Variants in RAB3GAP1 observed in about 807,000 individuals in gnomAD.
RAB3GAP1 encodes rab3 GTPase-activating protein catalytic subunit.
In RAB3GAP1, 86 loss-of-function variants were observed where a neutral mutation model predicts 130.7. That is an observed-to-expected ratio of 0.66 (90% CI 0.55 to 0.79). RAB3GAP1 has a LOEUF of 0.79. Among genes scored for constraint, RAB3GAP1 ranks in the 30% least tolerant of loss-of-function variants. The pLI is 0.00. For synonymous variants in RAB3GAP1, 367 were observed against 401.7 expected, an observed-to-expected ratio of 0.91 and a Z score of 1.03; for missense variants, 1,029 against 1,169.4, an observed-to-expected ratio of 0.88 and a Z score of 1.75.
chr2:135,132,185 T>A (rs1691566474), intron 13 of RAB3GAP1, among the ~76,000 whole-genome samples: 1 of 152,238 alleles, frequency 6.6e-6, no homozygotes, highest in Admixed American at 6.5e-5. Context: ...TAATCAGCAG[T>A]ACCACAAAAC....
At chr2:135,072,944 AG>A (rs1227028714) in intron 3 of RAB3GAP1, among the ~76,000 whole-genome samples, 1 of 152,222 alleles carries the variant, frequency 6.6e-6, no homozygotes, top group African/African-American at 2.4e-5. Flanking sequence ...ATTTCCTGCT[AG>A]GGTCTGTCTG....
Position 135,120,806 on chromosome 2 carries a change from A to G in RAB3GAP1, c.649-13A>G, listed in dbSNP as rs369992278. ...AGCATTTACACGGTATTGTCTTTGC[A>G]TGTATTTCCTAGGGATGTCCTTTAA... On this transcript the variant is annotated splice_polypyrimidine_tract_variant and intron_variant, in intron 7 of 23. Coordinates refer to ENST00000264158, the MANE Select transcript of RAB3GAP1 (RefSeq NM_012233.3). 5.1e-5 allele frequency: 78 copies of G among 1,544,020 alleles called. No homozygotes were observed. The highest frequency in any genetic ancestry group is 8.2e-5 in the African/African-American group (6 of 73,496).
intron 3 of RAB3GAP1, among the ~76,000 whole-genome samples, chr2:135,072,739 A>G (rs982540381): frequency 6.6e-6 from 1 of 152,196 alleles, no homozygotes; most frequent in African/African-American, 2.4e-5. Flanking sequence ...CATATAAAGT[A>G]TCTTTTTTAT....
chr2:135,052,459 C>T lies in RAB3GAP1; in HGVS notation c.48C>T (p.Asp16=). ...EPESEVFEIT[D]FTTASEWERF... ...AATCCGAGGTATTTGAGATCACGGA[C>T]TTCACCACTGCCTCGGAATGGGAAA... The change falls in exon 2 of 24, where the codon GAC becomes GAT. Residue 16 remains aspartate, a synonymous_variant. Transcript: ENST00000264158. The T allele has an allele frequency of 6.2e-7, 1 of 1,614,014 alleles. No individual in the cohort carries two copies. Among genetic ancestry groups the T allele is most frequent in the African/African-American group, 1.3e-5 (1 of 75,056 alleles).
At chr2:135,087,285 A>G (rs2104869277) in intron 3 of RAB3GAP1, among the ~76,000 whole-genome samples, 1 of 152,322 alleles carries the variant, frequency 6.6e-6, no homozygotes, top group South Asian at 2.1e-4. Context: ...CTTTATGCCT[A>G]TACTATACTG....
At chr2:135,108,420 T>G (rs1411328940) in intron 5 of RAB3GAP1, among the ~76,000 whole-genome samples, 1 of 152,112 alleles carries the variant, frequency 6.6e-6, no homozygotes, top group African/African-American at 2.4e-5. Flanking sequence ...TTAATTTCAC[T>G]TCCCTGATTA....
chr2:135,155,512 A>T (rs1692285566), intron 19 of RAB3GAP1, among the ~76,000 whole-genome samples: 1 of 152,206 alleles, frequency 6.6e-6, no homozygotes, highest in South Asian at 2.1e-4. Context: ...GCTCCTCATT[A>T]GGCAATTTTG....
chr2:135,147,622 C>A (rs982515095), intron 17 of RAB3GAP1, among the ~76,000 whole-genome samples: 18 of 148,138 alleles, frequency 1.2e-4, no homozygotes, highest in South Asian at 1.1e-3. Context: ...CCCTCCCCCC[C>A]CCTTTTTTTT....
chr2:135,059,351 A>G (rs895058037), intron 3 of RAB3GAP1, among the ~76,000 whole-genome samples: 1 of 152,084 alleles, frequency 6.6e-6, no homozygotes, highest in African/African-American at 2.4e-5. Context: ...ATGAGCTCTG[A>G]TATTCTTTCA....
In RAB3GAP1 at chr2:135,103,559, G is replaced by A. The variant is rs1441452038; in HGVS notation, c.363-9592G>A. Among the ~76,000 whole-genome samples, 3 of 152,062 alleles carry A rather than the reference G, an allele frequency of 2.0e-5. No individual in the cohort carries two copies. In the East Asian group the frequency reaches 5.8e-4, roughly 29 times the overall value. ...AATTTTTTTAAAAGGCATTAAACTG[G>A]ACAGAACTGTCAAAAAACAACCATT... On this transcript the variant is annotated intron_variant, in intron 5 of 23. Transcript: ENST00000264158.
At position 135,162,659 on chromosome 2, in the gene RAB3GAP1, T is replaced by C. The variant is rs1390077597; in HGVS notation, c.2386+8T>C. The C allele has an allele frequency of 6.2e-7, 1 of 1,612,022 alleles. No individual in the cohort carries two copies. The highest frequency in any genetic ancestry group is 1.3e-5 in the African/African-American group (1 of 74,894). On this transcript the variant is annotated splice_region_variant and intron_variant, in intron 20 of 23. Coordinates refer to ENST00000264158, the MANE Select transcript of RAB3GAP1 (RefSeq NM_012233.3). ...TCAAGGTAAAGGAAGAAGGTAAATG[T>C]CATATTTAACTAGTCATTAGTCATT...
At chr2:135,067,766 AC>A (rs1347774294) in intron 3 of RAB3GAP1, among the ~76,000 whole-genome samples, 1 of 152,190 alleles carries the variant, frequency 6.6e-6, no homozygotes, top group Non-Finnish European at 1.5e-5. Context: ...TCTTGCTGTT[AC>A]CCACGCTAGA....
intron 15 of RAB3GAP1, among the ~76,000 whole-genome samples, chr2:135,134,915 AT>A (rs988969470): frequency 6.6e-6 from 1 of 152,110 alleles, no homozygotes; most frequent in Admixed American, 6.5e-5. Flanking sequence ...ACACAAACTG[AT>A]TTATTTTGTA....
rs567368581 is a variant in RAB3GAP1, at chr2:135,070,524, T to TTTTA, written c.150+12454_150+12457dup. On this transcript the variant is annotated intron_variant, in intron 3 of 23. Transcript: ENST00000264158. ...CCTGGCCTATAAAAGGAATTATTAT[T>TTTTA]TTTATTTATTTATTTATTTTGTCAG... Among the ~76,000 whole-genome samples the TTTTA allele has an allele frequency of 2.7e-4, 41 of 152,230 alleles. No homozygotes were observed. In the East Asian group the frequency reaches 6.2e-3, roughly 23 times the overall value.
At chr2:135,137,932 C>T (rs1691721262) in intron 17 of RAB3GAP1, among the ~76,000 whole-genome samples, 1 of 151,124 alleles carries the variant, frequency 6.6e-6, no homozygotes, top group African/African-American at 2.4e-5. Flanking sequence ...ATCAAGTGAT[C>T]CTCCCACCGC....
intron 3 of RAB3GAP1, 62 bp downstream of exon 3, chr2:135,058,148 C>A: frequency 7.3e-7 from 1 of 1,373,224 alleles, no homozygotes; most frequent in East Asian, 2.3e-5. Flanking sequence ...ATTTTCCAGC[C>A]CTTTGCTGCA....
chr2:135,108,540 A>G (rs1171441928), intron 5 of RAB3GAP1, among the ~76,000 whole-genome samples: 1 of 139,094 alleles, frequency 7.2e-6, no homozygotes, highest in Non-Finnish European at 1.6e-5. Flanking sequence ...AGCTTCGATT[A>G]TGTTCTTATT....
intron 11 of RAB3GAP1, 37 bp from the exon 12 acceptor site, chr2:135,129,957 TC>T (rs1279675813): frequency 6.9e-6 from 9 of 1,305,386 alleles, no homozygotes; most frequent in African/African-American, 4.5e-5. Flanking sequence ...TTTTTTTTTT[TC>T]AGTTAAGTGT....
At chr2:135,117,075 A>G (rs1053856003) in intron 7 of RAB3GAP1, among the ~76,000 whole-genome samples, 3 of 152,094 alleles carry the variant, frequency 2.0e-5, no homozygotes, top group Non-Finnish European at 4.4e-5. Context: ...GAGATTAGGA[A>G]ATTAGAGTAA....
Sources: gnomAD v4.1 joint callset for allele counts (sites outside exome capture counted in the v4.1 genomes callset) on GRCh38, gnomAD v4.1.1 for gene constraint, MANE v1.5 for transcripts, NCBI Gene and HGNC (gene_info 2026-07-23, HGNC 2026-07-21) for gene names.